Variants in LHFPL3 observed in about 807,000 individuals in gnomAD.
The protein encoded by LHFPL3 is LHFPL tetraspan subfamily member 3, also known as LHFPL tetraspan subfamily member 3 protein.
LHFPL3 carries 5 observed loss-of-function variants against 19.3 expected under a neutral mutation model. The ratio of observed to expected loss-of-function variants is 0.26; its 90% CI spans 0.14 to 0.54. The LOEUF (loss-of-function observed/expected upper bound fraction) is 0.54. LHFPL3 is among the 20% of genes least tolerant of loss of function. The pLI, the probability that LHFPL3 is intolerant of heterozygous loss-of-function variation, is 0.94. For synonymous variants in LHFPL3, 133 were observed against 126.2 expected (o/e 1.05, Z -0.36); for missense variants, 249 against 307.4 (o/e 0.81, Z 1.42).
At chr7:104,348,249 G>C (rs1223016641) in intron 1 of LHFPL3, among the ~76,000 whole-genome samples, 1 of 152,204 alleles carries the variant, frequency 6.6e-6, no homozygotes, top group Non-Finnish European at 1.5e-5. Context: ...GCTAGGCGTG[G>C]TGGTGCGTGC....
intron 1 of LHFPL3, among the ~76,000 whole-genome samples, chr7:104,465,744 G>A (rs1792769206): frequency 6.7e-6 from 1 of 149,902 alleles, no homozygotes; most frequent in Admixed American, 6.6e-5. Context: ...CCCATGACAT[G>A]TGGGGATTAT....
chr7:104,714,163 A>C (rs1348458329), intron 1 of LHFPL3, among the ~76,000 whole-genome samples: 1 of 152,232 alleles, frequency 6.6e-6, no homozygotes, highest in Non-Finnish European at 1.5e-5. Flanking sequence ...AACACTTAGT[A>C]CACTGACTTC....
chr7:104,893,949 C>G (rs896668299), intron 2 of LHFPL3, among the ~76,000 whole-genome samples: 3 of 97,410 alleles, frequency 3.1e-5, no homozygotes, highest in African/African-American at 9.3e-5. Context: ...GAGACTCCAT[C>G]TCAAAAAAAA....
Position 104,736,926 on chromosome 7 carries a change from A to G in LHFPL3, c.682+15A>G. 2.6e-6 allele frequency: 4 copies of G among 1,566,674 alleles called. No individual in the cohort carries two copies. The highest frequency in any genetic ancestry group is 3.5e-6 in the Non-Finnish European group (4 of 1,152,514). On this transcript the variant is annotated intron_variant, in intron 2 of 2. Transcript: ENST00000424859. ...AGAAAACAAAGGTAAGATTGCTTTA[A>G]GGAACTCTTACCTGGATGCCTCAAG...
intron 1 of LHFPL3, among the ~76,000 whole-genome samples, chr7:104,389,085 G>A (rs2188481): frequency 0.41 from 62,811 of 151,870 alleles, 13,355 homozygotes; most frequent in Admixed American, 0.54. Context: ...AAAACTATCT[G>A]TTTGCAGATG....
At chr7:104,345,411 C>A (rs1790046361) in intron 1 of LHFPL3, among the ~76,000 whole-genome samples, 1 of 151,926 alleles carries the variant, frequency 6.6e-6, no homozygotes, top group Non-Finnish European at 1.5e-5. Context: ...GTCTCTTGTT[C>A]TTTTTCTAAC....
chr7:104,374,534 C>G (rs898541960), intron 1 of LHFPL3, among the ~76,000 whole-genome samples: 1 of 152,078 alleles, frequency 6.6e-6, no homozygotes, highest in African/African-American at 2.4e-5. Flanking sequence ...GCCACTGCAC[C>G]CAGCCTCTAT....
At chr7:104,382,940 C>CATTCTTAAAGGCCTTTAAATTACTTT in intron 1 of LHFPL3, among the ~76,000 whole-genome samples, 1 of 22,716 alleles carries the variant, frequency 4.4e-5, no homozygotes, top group Admixed American at 5.2e-4. Flanking sequence ...GCATGCCAGT[C>CATTCTTAAAGGCCTTTAAATTACTTT]ACTCTTCACA....
chr7:104,431,496 C>T (rs984297477), intron 1 of LHFPL3, among the ~76,000 whole-genome samples: 6 of 152,114 alleles, frequency 3.9e-5, no homozygotes, highest in African/African-American at 1.4e-4. Context: ...GAGGACAGTA[C>T]ACTTTTCTCA....
chr7:104,687,479 CA>C (rs1169384849), intron 1 of LHFPL3, among the ~76,000 whole-genome samples: 3 of 152,166 alleles, frequency 2.0e-5, no homozygotes, highest in African/African-American at 7.2e-5. Context: ...GGGCTGGAGC[CA>C]AAAGTTCCAA....
chr7:104,523,817 C>T (rs1322041209), intron 1 of LHFPL3, among the ~76,000 whole-genome samples: 1 of 152,088 alleles, frequency 6.6e-6, no homozygotes, highest in Non-Finnish European at 1.5e-5. Context: ...AGTAACAGTG[C>T]CTCTAAAATG....
intron 1 of LHFPL3, among the ~76,000 whole-genome samples, chr7:104,646,144 C>T (rs1791929695): frequency 6.6e-6 from 1 of 152,118 alleles, no homozygotes; most frequent in African/African-American, 2.4e-5. Context: ...AGCCTCATTT[C>T]CCAGATTACA....
chr7:104,408,533 C>G (rs1441083068), intron 1 of LHFPL3, among the ~76,000 whole-genome samples: 3 of 152,044 alleles, frequency 2.0e-5, no homozygotes, highest in Non-Finnish European at 4.4e-5. Context: ...TGATGTTCTG[C>G]CATGGCTTCA....
intron 1 of LHFPL3, among the ~76,000 whole-genome samples, chr7:104,543,307 CT>C (rs1477832314): frequency 6.6e-6 from 1 of 152,074 alleles, no homozygotes; most frequent in African/African-American, 2.4e-5. Context: ...CACTTTTACA[CT>C]GTTGGTGGGA....
chr7:104,804,944 T>G (rs1790326535), intron 2 of LHFPL3, among the ~76,000 whole-genome samples: 1 of 152,192 alleles, frequency 6.6e-6, no homozygotes, highest in African/African-American at 2.4e-5. Flanking sequence ...TATACAATAA[T>G]AGATGACTAG....
intron 1 of LHFPL3, among the ~76,000 whole-genome samples, chr7:104,649,476 T>G (rs1339179648): frequency 6.6e-6 from 1 of 152,148 alleles, no homozygotes; most frequent in African/African-American, 2.4e-5. Flanking sequence ...AAAGGAATTT[T>G]TAGAGATCAA....
chr7:104,359,483 A>G (rs17331161), intron 1 of LHFPL3, among the ~76,000 whole-genome samples: 9,071 of 152,366 alleles, frequency 0.06, 349 homozygotes, highest in Middle Eastern at 0.088. Flanking sequence ...TGAATGACTC[A>G]ATAAATATGT....
chr7:104,352,381 A>G (rs1020892076), intron 1 of LHFPL3, among the ~76,000 whole-genome samples: 1 of 152,168 alleles, frequency 6.6e-6, no homozygotes, highest in Non-Finnish European at 1.5e-5. Context: ...CCAAGTATGT[A>G]ATAAGAACTT....
intron 2 of LHFPL3, among the ~76,000 whole-genome samples, chr7:104,793,457 A>C (rs895296075): frequency 5.3e-5 from 8 of 152,112 alleles, no homozygotes; most frequent in African/African-American, 1.9e-4. Context: ...GATATTTCTG[A>C]CTCTGGGTTT....
Sources: gnomAD v4.1 joint callset for allele counts (sites outside exome capture counted in the v4.1 genomes callset) on GRCh38, gnomAD v4.1.1 for gene constraint, MANE v1.5 for transcripts, NCBI Gene and HGNC (gene_info 2026-07-23, HGNC 2026-07-21) for gene names.